Variants in NAALADL2 observed in about 807,000 individuals in gnomAD.
The protein encoded by NAALADL2 is N-acetylated alpha-linked acidic dipeptidase like 2, also known as inactive N-acetylated-alpha-linked acidic dipeptidase-like protein 2.
Under a neutral mutation model 87.2 loss-of-function variants are expected in NAALADL2, and 76 were observed. That is an observed-to-expected ratio of 0.87 (90% CI 0.72 to 1.05). NAALADL2 has a LOEUF of 1.05. Ranked by LOEUF, NAALADL2 falls within the 50% of genes least tolerant of loss-of-function variation. The pLI is 0.00. For missense variants in NAALADL2, 1,089 were observed against 945.8 expected, an observed-to-expected ratio of 1.15 and a Z score of -1.99; for synonymous variants, 354 against 331.0, an observed-to-expected ratio of 1.07 and a Z score of -0.75.
intron 4 of NAALADL2, among the ~76,000 whole-genome samples, chr3:175,258,170 T>C (rs1750343115): frequency 1.3e-5 from 2 of 151,462 alleles, no homozygotes; most frequent in South Asian, 2.1e-4. Flanking sequence ...TAGCCAGGCG[T>C]GGTGGCGGGC....
At chr3:174,689,397 C>CTTTTTTTT (rs58366472) in intron 2 of NAALADL2, among the ~76,000 whole-genome samples, 1 of 149,468 alleles carries the variant, frequency 6.7e-6, no homozygotes, top group African/African-American at 2.5e-5. Flanking sequence ...CCCGCTTCAC[C>CTTTTTTTT]TTTTTTTTAC....
chr3:174,714,316 A>C (rs889756999), intron 2 of NAALADL2, among the ~76,000 whole-genome samples: 8 of 152,100 alleles, frequency 5.3e-5, no homozygotes, highest in African/African-American at 1.9e-4. Context: ...ACTTTAAAGT[A>C]GTTTTTTCCA....
intron 1 of NAALADL2, among the ~76,000 whole-genome samples, chr3:175,080,590 A>G (rs73176726): frequency 0.22 from 33,855 of 152,194 alleles, 4,224 homozygotes; most frequent in Non-Finnish European, 0.29. Flanking sequence ...TATACAAAGC[A>G]TTGAAATCTT....
At chr3:175,779,000 A>G (rs1407350889) in intron 13 of NAALADL2, among the ~76,000 whole-genome samples, 2 of 152,238 alleles carry the variant, frequency 1.3e-5, no homozygotes, top group African/African-American at 4.8e-5. Context: ...ATGAAGTTGA[A>G]TGCTTATATA....
rs1315854092 is a variant in NAALADL2 at position 174,847,489 on chromosome 3, C to T, written c.-9+109743C>T. On this transcript the variant is annotated intron_variant, in intron 3 of 3. Coordinates refer to the NAALADL2 transcript ENST00000434257. Reference sequence around the variant, plus strand: ...AAACTTTTAAAAAATAGGCTAAACTCAGAAAATTTTATGTGCCATTAGTTC... The same window carrying T: ...AAACTTTTAAAAAATAGGCTAAACTTAGAAAATTTTATGTGCCATTAGTTC... Among the ~76,000 whole-genome samples, 3 of 152,106 alleles carry T rather than the reference C, an allele frequency of 2.0e-5. No individual in the cohort carries two copies. In the East Asian group the frequency reaches 5.8e-4, roughly 29 times the overall value.
intron 4 of NAALADL2, among the ~76,000 whole-genome samples, chr3:175,261,502 G>T (rs1751033790): frequency 6.6e-6 from 1 of 152,010 alleles, no homozygotes; most frequent in East Asian, 1.9e-4. Context: ...AATTACAGAT[G>T]AATATATATC....
At chr3:175,121,697 T>C (rs1044531805) in intron 2 of NAALADL2, among the ~76,000 whole-genome samples, 1 of 151,872 alleles carries the variant, frequency 6.6e-6, no homozygotes, top group African/African-American at 2.4e-5. Context: ...GTTAGTACCC[T>C]GGGCATCCTC....
At position 174,723,661 on chromosome 3, in the gene NAALADL2, C is replaced by A. The variant is rs1210389169; in HGVS notation, c.-114-13980C>A. Among the ~76,000 whole-genome samples the A allele has an allele frequency of 3.5e-5, 5 of 141,692 alleles. No individual in the cohort carries two copies. In the East Asian group the frequency reaches 1.1e-3, roughly 30 times the overall value. 93.0% of individuals were successfully genotyped at this position (141,692 alleles called of 152,430 possible). The stretch of plus-strand genomic sequence containing the variant: ...GTCCCAGCTGCTTGGAAGGCTGAGG[C>A]AGGAGAATGGCGTGAAACTGGGAGG... On this transcript the variant is annotated intron_variant, in intron 2 of 3. Transcript: ENST00000434257.
At position 175,464,192 on chromosome 3, in the gene NAALADL2, A is replaced by G. The variant is rs564730713; in HGVS notation, c.1327+699A>G. Among the ~76,000 whole-genome samples, 8 of 152,140 alleles carry G rather than the reference A, an allele frequency of 5.3e-5. No homozygotes were observed. In the South Asian group the frequency reaches 1.5e-3, roughly 28 times the overall value. ...TTTTAAATAAAAGTTTTGGTCTCCA[A>G]ATTTAGTTGTCCAGTTTTATTCTAT... On this transcript the variant is annotated intron_variant, in intron 7 of 13. Coordinates refer to ENST00000454872, the MANE Select transcript of NAALADL2 (RefSeq NM_207015.3).
intron 5 of NAALADL2, among the ~76,000 whole-genome samples, chr3:175,351,227 T>G (rs1763727276): frequency 6.6e-6 from 1 of 152,130 alleles, no homozygotes. Flanking sequence ...ATCTATGATA[T>G]ATTTTTTGAT....
intron 5 of NAALADL2, among the ~76,000 whole-genome samples, chr3:175,385,374 C>T (rs887189132): frequency 2.0e-5 from 3 of 151,968 alleles, no homozygotes; most frequent in African/African-American, 7.2e-5. Context: ...TCTTACCTTA[C>T]TTTTAGTTTG....
In NAALADL2 at chr3:175,496,977, AT is replaced by A. The variant is rs545389831; in HGVS notation, c.1653+25220del. On this transcript the variant is annotated intron_variant, in intron 9 of 13. Transcript: ENST00000454872. ...ATATTATTATAACTTGACTTTATAG[AT>A]GATAAATTAAAAACTAAATATTTAT... 3.0e-3 allele frequency among the ~76,000 whole-genome samples: 450 copies of A among 152,276 alleles called. 1 individual carries two copies. Among genetic ancestry groups the A allele is most frequent in the African/African-American group, 0.01 (428 of 41,560 alleles).
intron 9 of NAALADL2, among the ~76,000 whole-genome samples, chr3:175,509,913 C>T (rs907270729): frequency 6.6e-6 from 1 of 151,968 alleles, no homozygotes; most frequent in Non-Finnish European, 1.5e-5. Context: ...AGGTTTGTTA[C>T]ATATGTAGAC....
chr3:175,472,331 T>G (rs1007443129), intron 9 of NAALADL2, among the ~76,000 whole-genome samples: 2 of 152,224 alleles, frequency 1.3e-5, no homozygotes, highest in African/African-American at 4.8e-5. Context: ...GAAAATATTT[T>G]GTCACTTCTC....
chr3:174,778,619 C>A (rs1715533412), intron 3 of NAALADL2, among the ~76,000 whole-genome samples: 1 of 151,974 alleles, frequency 6.6e-6, no homozygotes, highest in Non-Finnish European at 1.5e-5. Flanking sequence ...CTAATGCTAT[C>A]CCTCTCCTAG....
intron 3 of NAALADL2, among the ~76,000 whole-genome samples, chr3:174,803,440 A>T (rs1011278182): frequency 1.3e-5 from 2 of 152,054 alleles, no homozygotes; most frequent in African/African-American, 4.8e-5. Flanking sequence ...GTTCACTCTG[A>T]TGATAGTTTC....
chr3:175,149,283 T>C (rs115586051), intron 2 of NAALADL2, among the ~76,000 whole-genome samples: 2,205 of 152,298 alleles, frequency 0.014, 58 homozygotes, highest in African/African-American at 0.051. Context: ...TCAAAATATG[T>C]TTGTGATTGT....
chr3:175,130,966 A>G (rs538689414), intron 2 of NAALADL2, among the ~76,000 whole-genome samples: 16 of 152,224 alleles, frequency 1.1e-4, no homozygotes, highest in South Asian at 6.2e-4. Flanking sequence ...TTTGATAGGG[A>G]TTGCATTGAA....
At chr3:174,851,913 A>T (rs1476279829) in intron 3 of NAALADL2, among the ~76,000 whole-genome samples, 2 of 152,158 alleles carry the variant, frequency 1.3e-5, no homozygotes, top group Non-Finnish European at 2.9e-5. Context: ...GGATGCAACG[A>T]TGGTTCAACA....
Sources: gnomAD v4.1 joint callset for allele counts (sites outside exome capture counted in the v4.1 genomes callset) on GRCh38, gnomAD v4.1.1 for gene constraint, MANE v1.5 for transcripts, NCBI Gene and HGNC (gene_info 2026-07-23, HGNC 2026-07-21) for gene names.